The following RARB variants were observed in gnomAD, a reference collection of about 807,000 sequenced individuals.
RARB encodes retinoic acid receptor beta.
In RARB, 17 loss-of-function variants were observed where a neutral mutation model predicts 51.9. The ratio of observed to expected loss-of-function variants is 0.33; its 90% CI spans 0.22 to 0.49. The LOEUF is 0.49. RARB is among the 20% of genes least tolerant of loss of function. The probability of loss-of-function intolerance (pLI) is 0.99; values close to 1 mark genes in which losing one functional copy is unlikely to be tolerated. For missense variants in RARB, 369 were observed against 550.8 expected (o/e 0.67, Z 3.30); for synonymous variants, 215 against 195.4 (o/e 1.10, Z -0.84).
intron 3 of RARB, among the ~76,000 whole-genome samples, chr3:25,074,918 T>C (rs1306533918): frequency 6.6e-6 from 1 of 152,322 alleles, no homozygotes; most frequent in East Asian, 1.9e-4. Flanking sequence ...GAATGTGAAC[T>C]TGATTTTCCT....
chr3:25,059,435 A>G (rs1452860368), intron 2 of RARB, among the ~76,000 whole-genome samples: 1 of 151,638 alleles, frequency 6.6e-6, no homozygotes, highest in Non-Finnish European at 1.5e-5. Context: ...GTCCACTCTC[A>G]CCATACCTCA....
At chr3:25,256,742 C>A (rs745511029) in intron 5 of RARB, among the ~76,000 whole-genome samples, 6 of 151,820 alleles carry the variant, frequency 4.0e-5, no homozygotes, top group Non-Finnish European at 5.9e-5. Context: ...CTCAAGAAAC[C>A]AATTTGGCTA....
At chr3:25,446,523 G>A (rs530645578) in intron 1 of RARB, among the ~76,000 whole-genome samples, 1 of 152,274 alleles carries the variant, frequency 6.6e-6, no homozygotes, top group Non-Finnish European at 1.5e-5. Context: ...TAAAAAATGG[G>A]CCGGGCGCAG....
intron 5 of RARB, among the ~76,000 whole-genome samples, chr3:25,416,464 T>A (rs1213226925): frequency 2.6e-5 from 4 of 152,322 alleles, no homozygotes; most frequent in Middle Eastern, 3.4e-3. Context: ...GAAGAAACGT[T>A]TGATATTATC....
At chr3:25,102,165 C>T (rs1186211218) in intron 3 of RARB, among the ~76,000 whole-genome samples, 5 of 152,160 alleles carry the variant, frequency 3.3e-5, no homozygotes, top group African/African-American at 1.2e-4. Flanking sequence ...ATTTCTGCAG[C>T]AAAATGCGTG....
intron 3 of RARB, among the ~76,000 whole-genome samples, chr3:25,074,893 G>A (rs967521888): frequency 6.6e-6 from 1 of 152,102 alleles, no homozygotes; most frequent in African/African-American, 2.4e-5. Context: ...GTACGTATTT[G>A]GCAAATAATT....
intron 1 of RARB, among the ~76,000 whole-genome samples, chr3:24,842,234 G>A (rs1023852856): frequency 1.3e-5 from 2 of 152,076 alleles, no homozygotes; most frequent in Non-Finnish European, 1.5e-5. Flanking sequence ...ATTGTCTTTA[G>A]ATATAAAACA....
intron 3 of RARB, among the ~76,000 whole-genome samples, chr3:25,102,100 T>G (rs536220750): frequency 6.6e-6 from 1 of 152,290 alleles, no homozygotes; most frequent in South Asian, 2.1e-4. Context: ...TGCCATAAAT[T>G]AGGTACCACT....
At chr3:25,189,515 G>T (rs573067928) in intron 5 of RARB, among the ~76,000 whole-genome samples, 1 of 152,066 alleles carries the variant, frequency 6.6e-6, no homozygotes, top group Admixed American at 6.6e-5. Context: ...GAATCATTTT[G>T]AATCAGCTCC....
intron 2 of RARB, among the ~76,000 whole-genome samples, chr3:24,871,749 C>T (rs1370532864): frequency 6.6e-6 from 1 of 152,156 alleles, no homozygotes; most frequent in Admixed American, 6.6e-5. Flanking sequence ...GAACACACCC[C>T]AGACCTGCAC....
intron 5 of RARB, among the ~76,000 whole-genome samples, chr3:25,267,101 C>T (rs1375019308): frequency 1.3e-5 from 2 of 152,138 alleles, no homozygotes; most frequent in Non-Finnish European, 2.9e-5. Context: ...GAAAACTTCC[C>T]ACAAGTGATC....
At chr3:25,379,962 A>G (rs758716861) in intron 5 of RARB, among the ~76,000 whole-genome samples, 8 of 152,154 alleles carry the variant, frequency 5.3e-5, no homozygotes, top group Non-Finnish European at 8.8e-5. Context: ...TCCCCAGAGG[A>G]GAGATTCTGA....
At chr3:25,320,010 A>G (rs1056584310) in intron 5 of RARB, among the ~76,000 whole-genome samples, 1 of 148,348 alleles carries the variant, frequency 6.7e-6, no homozygotes, top group Non-Finnish European at 1.5e-5. Flanking sequence ...GTAATGAACT[A>G]AAAAAAATAA....
At chr3:25,428,968 A>G (rs893170357) in intron 1 of RARB, 80 bp downstream of exon 1, 15 of 1,444,552 alleles carry the variant, frequency 1.0e-5, no homozygotes, top group Non-Finnish European at 1.3e-5. Context: ...TTGGAAATAA[A>G]CTGCATTGGT....
intron 3 of RARB, among the ~76,000 whole-genome samples, chr3:25,513,115 TAAA>T (rs11420573): frequency 2.0e-5 from 2 of 98,500 alleles, no homozygotes; most frequent in Non-Finnish European, 4.2e-5. Flanking sequence ...CTGTCTTTAC[TAAA>T]AAAAAAAAAA....
At chr3:24,976,921 T>C (rs1696528221) in intron 2 of RARB, among the ~76,000 whole-genome samples, 1 of 152,248 alleles carries the variant, frequency 6.6e-6, no homozygotes, top group Admixed American at 6.5e-5. Flanking sequence ...TTAATCCATC[T>C]TGAATTAATT....
At chr3:25,118,900 A>C (rs999602152) in intron 3 of RARB, among the ~76,000 whole-genome samples, 1 of 152,158 alleles carries the variant, frequency 6.6e-6, no homozygotes, top group East Asian at 1.9e-4. Flanking sequence ...ACTTTAAAGC[A>C]TCTATAACCA....
Position 25,388,975 on chromosome 3 carries a change from C to T in RARB, c.179-72218C>T, listed in dbSNP as rs186033292. Among the ~76,000 whole-genome samples, 42 of 152,154 alleles carry T rather than the reference C, an allele frequency of 2.8e-4. No individual in the cohort carries two copies. The East Asian group carries it at 5.8e-3, about 21-fold the overall frequency. ...TCTGTTTCATTGAATAGAAACACATCCTTTTGAATACAATAGAGGACAGAA... is the reference window on the plus strand; with the variant it reads ...TCTGTTTCATTGAATAGAAACACATTCTTTTGAATACAATAGAGGACAGAA... On this transcript the variant is annotated intron_variant, in intron 5 of 11. Coordinates refer to the RARB transcript ENST00000383772.
intron 5 of RARB, among the ~76,000 whole-genome samples, chr3:25,198,222 T>C (rs1211642631): frequency 6.6e-6 from 1 of 152,084 alleles, no homozygotes; most frequent in African/African-American, 2.4e-5. Context: ...GATGTCCACA[T>C]GCAGAAGAAT....
Sources: allele counts gnomAD v4.1 joint callset (sites outside exome capture counted in the v4.1 genomes callset), GRCh38; gene constraint gnomAD v4.1.1; transcripts MANE v1.5; gene names NCBI Gene and HGNC (gene_info 2026-07-23, HGNC 2026-07-21).